MINK1: variants seen among roughly 807,000 people sequenced by gnomAD.
MINK1 encodes the protein misshapen-like kinase 1.
MINK1 carries 46 observed loss-of-function variants against 178.4 expected under a neutral mutation model. That is an observed-to-expected ratio of 0.26 (90% CI 0.20 to 0.33). The LOEUF is 0.33. Among genes scored for constraint, MINK1 ranks in the 10% least tolerant of loss-of-function variants. The probability of loss-of-function intolerance (pLI) is 1.00; values close to 1 mark genes in which losing one functional copy is unlikely to be tolerated. For synonymous variants in MINK1, 797 were observed against 709.7 expected (o/e 1.12, Z -1.96); for missense variants, 1,366 against 1,814.9 (o/e 0.75, Z 4.49).
At chr17:4,879,200 T>C (rs867264331) in intron 2 of MINK1, among the ~76,000 whole-genome samples, 1 of 124,238 alleles carries the variant, frequency 8.0e-6, no homozygotes, top group Non-Finnish European at 1.7e-5. Context: ...ACTTGGATTG[T>C]GGGAGCCGCT....
chr17:4,890,380 T>G, intron 13 of MINK1, 137 bp from the exon 14 acceptor site: 1 of 1,451,882 alleles, frequency 6.9e-7, no homozygotes, highest in Non-Finnish European at 9.1e-7. Flanking sequence ...ATGGGAACAC[T>G]TCAAGGGAAG....
chr17:4,882,010 T>A (rs908623386), intron 4 of MINK1, among the ~76,000 whole-genome samples: 1 of 152,270 alleles, frequency 6.6e-6, no homozygotes, highest in African/African-American at 2.4e-5. Context: ...TCTGTATAGA[T>A]GAGCATGAGC....
chr17:4,889,478 C>A (rs528473459), intron 12 of MINK1, among the ~76,000 whole-genome samples, 169 bp from the exon 13 acceptor site: 15 of 152,246 alleles, frequency 9.9e-5, no homozygotes, highest in Admixed American at 5.9e-4. Context: ...CCGAGCCCAG[C>A]CCCGCGGGCC....
At chr17:4,837,323 C>T (rs1229784214) in intron 1 of MINK1, among the ~76,000 whole-genome samples, 1 of 152,240 alleles carries the variant, frequency 6.6e-6, no homozygotes, top group African/African-American at 2.4e-5. Context: ...AGAAGTGCCT[C>T]TTACAACACG....
chr17:4,833,694 G>C lies in MINK1; in HGVS notation c.57+54G>C. ...TGGTTCCTGTCCCCGCCGCAGGGGA[G>C]GGAGCGGGGTGGCTGCACGCCTCAC... On this transcript the variant is annotated intron_variant, in intron 1 of 31. Coordinates refer to ENST00000355280, the MANE Select transcript of MINK1 (RefSeq NM_153827.5). This position sits in a 1 kb window ranked among gnomAD's most constrained non-coding sequence, Gnocchi z 4.8. 2 of 1,399,982 alleles carry C rather than the reference G, an allele frequency of 1.4e-6. No individual in the cohort carries two copies. The highest frequency in any genetic ancestry group is 1.9e-6 in the Non-Finnish European group (2 of 1,061,480). 86.7% of individuals were successfully genotyped at this position (1,399,982 alleles called of 1,614,324 possible). A position where few individuals can be genotyped will look rare whatever the true frequency, so the allele number is the denominator to read the frequency against.
intron 1 of MINK1, among the ~76,000 whole-genome samples, chr17:4,857,758 G>A (rs987984297): frequency 3.3e-5 from 5 of 151,988 alleles, no homozygotes; most frequent in African/African-American, 9.7e-5. Flanking sequence ...GTGAGCCACC[G>A]CGCCCAGCCA....
rs56291861 is a variant in MINK1, at chr17:4,892,734, C to G, written c.2277C>G (p.Pro759=). Residue 759 remains proline (P), a synonymous_variant, in exon 19 of 32, where the codon CCC becomes CCG. Transcript: ENST00000355280. ...SVLPASHGHL[P]QAGSLERNRV... ...TTCCAGCCTCTCACGGGCACCTCCC[C>G]CAGGCTGGCTCACTGGAGCGGAACC... 237 of 1,611,776 alleles carry G rather than the reference C, an allele frequency of 1.5e-4. No homozygotes were observed. The highest frequency in any genetic ancestry group is 1.9e-4 in the Non-Finnish European group (222 of 1,179,486).
Position 4,886,085 on chromosome 17 carries a change from G to A in MINK1, c.695-35G>A. 1 of 1,612,598 alleles carries A rather than the reference G, an allele frequency of 6.2e-7. No individual in the cohort carries two copies. Among genetic ancestry groups the A allele is most frequent in the Non-Finnish European group, 8.5e-7 (1 of 1,178,628 alleles). ...GAAGGGTCCTGTAGCTCCCAGTGCA[G>A]TGAAAGGGACTGAGGGTGTCTCCTC... is the stretch of plus-strand genomic sequence containing the variant. On this transcript the variant is annotated intron_variant, in intron 8 of 31. Coordinates refer to ENST00000355280, the MANE Select transcript of MINK1 (RefSeq NM_153827.5). This position sits in a 1 kb window ranked among gnomAD's most constrained non-coding sequence, Gnocchi z 6.1.
At chr17:4,893,909 TCTGG>T (rs1395468827) in intron 21 of MINK1, 75 bp from the exon 22 acceptor site, 5 of 1,212,238 alleles carry the variant, frequency 4.1e-6, no homozygotes, top group Non-Finnish European at 5.7e-6. Context: ...AAGCCTGGGC[TCTGG>T]CTGCCATCTG....
chr17:4,887,190 C>A lies in MINK1; in HGVS notation c.1019+11C>A. On this transcript the variant is annotated intron_variant, in intron 11 of 31. Transcript: ENST00000355280. The surrounding 1 kb of genome is among the most constrained non-coding windows in gnomAD (Gnocchi z 7.6). ...GGAAGGAGAGCCAAGGTAGGCCTGG[C>A]AGGTGGAGTGGGGGTTGGGGCGGTC... 1 of 1,595,470 alleles carries A rather than the reference C, an allele frequency of 6.3e-7. No individual in the cohort carries two copies. Among genetic ancestry groups the A allele is most frequent in the Non-Finnish European group, 8.5e-7 (1 of 1,171,412 alleles).
intron 13 of MINK1, chr17:4,890,074 C>T: frequency 2.0e-6 from 1 of 488,296 alleles, no homozygotes; most frequent in Non-Finnish European, 3.6e-6. Flanking sequence ...TCATGTCATC[C>T]CCTCCCCTAC....
chr17:4,878,594 C>T (rs982130226), intron 2 of MINK1, among the ~76,000 whole-genome samples: 2 of 152,088 alleles, frequency 1.3e-5, no homozygotes, highest in African/African-American at 2.4e-5. Flanking sequence ...GAGCCAGTCC[C>T]GGACATGGTG....
chr17:4,877,765 C>CT (rs1331705175), intron 1 of MINK1, among the ~76,000 whole-genome samples: 7 of 147,900 alleles, frequency 4.7e-5, no homozygotes, highest in African/African-American at 1.5e-4. Flanking sequence ...GGGAACATGT[C>CT]TTTGAAAAGC....
At position 4,887,192 on chromosome 17, in the gene MINK1, G is replaced by A; in HGVS notation, c.1019+13G>A. ...AAGGAGAGCCAAGGTAGGCCTGGCAGGTGGAGTGGGGGTTGGGGCGGTCAT... is the reference window on the plus strand; with the variant it reads ...AAGGAGAGCCAAGGTAGGCCTGGCAAGTGGAGTGGGGGTTGGGGCGGTCAT... On this transcript the variant is annotated intron_variant, in intron 11 of 31. Coordinates refer to ENST00000355280, the MANE Select transcript of MINK1 (RefSeq NM_153827.5). The surrounding 1 kb of genome is among the most constrained non-coding windows in gnomAD (Gnocchi z 7.6). The A allele has an allele frequency of 6.3e-7, 1 of 1,594,256 alleles. No individual in the cohort carries two copies. The highest frequency in any genetic ancestry group is 8.5e-7 in the Non-Finnish European group (1 of 1,170,692).
At chr17:4,890,426 C>T (rs1429261917) in intron 13 of MINK1, 91 bp from the exon 14 acceptor site, 2 of 1,500,612 alleles carry the variant, frequency 1.3e-6, no homozygotes, top group Non-Finnish European at 1.8e-6. Flanking sequence ...TACATCTCCT[C>T]TCTAGGCAGT....
chr17:4,894,673 C>A lies in MINK1; in HGVS notation c.2917+40C>A. 1 of 1,493,318 alleles carries A rather than the reference C, an allele frequency of 6.7e-7. No homozygotes were observed. The highest frequency in any genetic ancestry group is 2.4e-5 in the East Asian group (1 of 42,230). The allele number at this position is 1,493,318 out of a possible 1,614,324, so 92.5% of individuals were successfully genotyped here. A position where few individuals can be genotyped will look rare whatever the true frequency, so the allele number is the denominator to read the frequency against. ...ACAGACCTGCTGTGAGGCCAGGGTC[C>A]AGGGGCAGCCTGGAGGGGAGCACAG... is the stretch of plus-strand genomic sequence containing the variant. On this transcript the variant is annotated intron_variant, in intron 24 of 31. Transcript: ENST00000355280. The surrounding 1 kb of genome is among the most constrained non-coding windows in gnomAD (Gnocchi z 4.1).
At position 4,887,436 on chromosome 17, in the gene MINK1, C is replaced by T. The variant is rs1316569619; in HGVS notation, c.1020-144C>T. 2.3e-5 allele frequency: 18 copies of T among 798,680 alleles called. No individual in the cohort carries two copies. Among genetic ancestry groups the T allele is most frequent in the African/African-American group, 8.8e-5 (5 of 57,102 alleles). 49.5% of individuals were successfully genotyped at this position (798,680 alleles called of 1,614,324 possible). A position where few individuals can be genotyped will look rare whatever the true frequency, so the allele number is the denominator to read the frequency against. ...GGACTGAAGACTGGGCAGAAGGGGA[C>T]GGTAAGTCTCCTGGCCACCTGGGAG... On this transcript the variant is annotated intron_variant, in intron 11 of 31. Transcript: ENST00000355280. This position sits in a 1 kb window ranked among gnomAD's most constrained non-coding sequence, Gnocchi z 7.6.
chr17:4,887,028 G>A lies in MINK1; in HGVS notation c.950-82G>A. ...CATGCTTGCCCAGCCAGAGAGACCT[G>A]GTTATCCCCACCCAAGGTTTCCCTA... On this transcript the variant is annotated intron_variant, in intron 10 of 31. Coordinates refer to ENST00000355280, the MANE Select transcript of MINK1 (RefSeq NM_153827.5). This position sits in a 1 kb window ranked among gnomAD's most constrained non-coding sequence, Gnocchi z 7.6. 6.9e-7 allele frequency: 1 copy of A among 1,439,764 alleles called. No individual in the cohort carries two copies. The highest frequency in any genetic ancestry group is 2.5e-5 in the East Asian group (1 of 40,088). 89.2% of individuals were successfully genotyped at this position (1,439,764 alleles called of 1,614,324 possible). A position where few individuals can be genotyped will look rare whatever the true frequency, so the allele number is the denominator to read the frequency against.
rs1597598001 is a variant in MINK1, at chr17:4,896,604, C to T, written c.3775+16C>T. The T allele has an allele frequency of 6.2e-7, 1 of 1,613,362 alleles. No individual in the cohort carries two copies. The highest frequency in any genetic ancestry group is 1.3e-5 in the African/African-American group (1 of 75,024). On this transcript the variant is annotated intron_variant, in intron 30 of 31. Coordinates refer to ENST00000355280, the MANE Select transcript of MINK1 (RefSeq NM_153827.5). This position sits in a 1 kb window ranked among gnomAD's most constrained non-coding sequence, Gnocchi z 4.6. ...ACTTCTGTGGGTGAGTGAGCTGCCG[C>T]CCTCCCAGCCACATGCCCCGAGGTG...
Sources: allele counts gnomAD v4.1 joint callset (sites outside exome capture counted in the v4.1 genomes callset), GRCh38; gene constraint gnomAD v4.1.1; non-coding constraint Gnocchi (gnomAD v3.1); transcripts MANE v1.5; gene names NCBI Gene and HGNC (gene_info 2026-07-23, HGNC 2026-07-21).